SLC16A7: variants seen among roughly 807,000 people sequenced by gnomAD.
SLC16A7 encodes the protein monocarboxylate transporter 2.
Under a neutral mutation model 34.9 loss-of-function variants are expected in SLC16A7, and 33 were observed. That is an observed-to-expected ratio of 0.94 (90% CI 0.72 to 1.26). SLC16A7 has a LOEUF of 1.26. SLC16A7 is among the 50% of genes most tolerant of loss of function. The pLI is 0.00. For synonymous variants in SLC16A7, 201 were observed against 206.6 expected (o/e 0.97, Z 0.23); for missense variants, 573 against 578.1 (o/e 0.99, Z 0.09).
chr12:59,754,787 G>T (rs1234667373), intron 3 of SLC16A7, among the ~76,000 whole-genome samples: 1 of 151,996 alleles, frequency 6.6e-6, no homozygotes, highest in African/African-American at 2.4e-5. Context: ...TACCAAAGCT[G>T]GGCAGAGACA....
At chr12:59,639,642 T>G (rs1193552836) in intron 1 of SLC16A7, among the ~76,000 whole-genome samples, 1 of 152,112 alleles carries the variant, frequency 6.6e-6, no homozygotes, top group Non-Finnish European at 1.5e-5. Context: ...CATCTTGGCC[T>G]CCCAAAGTGC....
In SLC16A7 at chr12:59,705,037, A is replaced by T; in HGVS notation, c.217+19A>T. The T allele has an allele frequency of 6.0e-6, 9 of 1,511,412 alleles. No homozygotes were observed. The highest frequency in any genetic ancestry group is 8.3e-6 in the Non-Finnish European group (9 of 1,087,440). 93.6% of individuals were successfully genotyped at this position (1,511,412 alleles called of 1,614,324 possible). On this transcript the variant is annotated intron_variant, in intron 3 of 5. Coordinates refer to ENST00000547379, the MANE Select transcript of SLC16A7 (RefSeq NM_001270623.2). ...GCAGGAGGTAAGCTTCTTGCAATAA[A>T]TAGAATCCTGAATTAAGAAAATAAT...
At chr12:59,753,871 G>C (rs1879923496) in intron 3 of SLC16A7, among the ~76,000 whole-genome samples, 1 of 152,084 alleles carries the variant, frequency 6.6e-6, no homozygotes, top group Non-Finnish European at 1.5e-5. Context: ...GCTCTCCTCA[G>C]CAAATGTAAA....
chr12:59,657,357 GACTTT>G (rs1462035564), intron 2 of SLC16A7, among the ~76,000 whole-genome samples: 2 of 151,748 alleles, frequency 1.3e-5, no homozygotes, highest in East Asian at 1.9e-4. Context: ...TCATTTCATT[GACTTT>G]ACTTATTGTT....
rs915498472 is a variant in SLC16A7, at chr12:59,596,749, C to A, written c.-130+513C>A. Among the ~76,000 whole-genome samples the A allele has an allele frequency of 6.6e-6, 1 of 152,112 alleles. No individual in the cohort carries two copies. Among genetic ancestry groups the A allele is most frequent in the Non-Finnish European group, 1.5e-5 (1 of 68,020 alleles). On this transcript the variant is annotated intron_variant, in intron 1 of 5. Transcript: ENST00000547379. This position sits in a 1 kb window ranked among gnomAD's most constrained non-coding sequence, Gnocchi z 5.0. Reference sequence around the variant, plus strand: ...GCGGGGGTGGAGTGTGTGGAGAGAACGTCTTCTCTTTGAGCAGATGATCAG... The same window carrying A: ...GCGGGGGTGGAGTGTGTGGAGAGAAAGTCTTCTCTTTGAGCAGATGATCAG...
intron 3 of SLC16A7, among the ~76,000 whole-genome samples, chr12:59,765,088 A>G (rs553028276): frequency 3.7e-4 from 57 of 152,250 alleles, no homozygotes; most frequent in African/African-American, 1.1e-3. Context: ...GCCAGTGATG[A>G]AGAGCATTTT....
At chr12:59,753,200 A>T (rs965877864) in intron 3 of SLC16A7, among the ~76,000 whole-genome samples, 25 of 152,320 alleles carry the variant, frequency 1.6e-4, no homozygotes, top group Middle Eastern at 3.4e-3. Flanking sequence ...GCATCAACTA[A>T]CGAGCAAAAT....
chr12:59,624,134 C>A (rs571662254), intron 1 of SLC16A7, among the ~76,000 whole-genome samples: 1 of 151,516 alleles, frequency 6.6e-6, no homozygotes, highest in South Asian at 2.1e-4. Flanking sequence ...TAGTGAAAAT[C>A]ATTGAACCTA....
At chr12:59,681,446 G>A (rs1400325444) in intron 2 of SLC16A7, among the ~76,000 whole-genome samples, 1 of 150,206 alleles carries the variant, frequency 6.7e-6, no homozygotes, top group Non-Finnish European at 1.5e-5. Context: ...ACCTGTGCCA[G>A]CAATTTTTTT....
intron 2 of SLC16A7, among the ~76,000 whole-genome samples, chr12:59,669,664 A>ACG (rs998370484): frequency 1.1e-4 from 17 of 151,642 alleles, no homozygotes; most frequent in African/African-American, 4.1e-4. Context: ...ACACACACAC[A>ACG]CACACACACA....
At chr12:59,690,945 G>A (rs1871578103) in intron 2 of SLC16A7, among the ~76,000 whole-genome samples, 2 of 151,608 alleles carry the variant, frequency 1.3e-5, no homozygotes, top group Admixed American at 6.6e-5. Flanking sequence ...AAAAAGATAA[G>A]AAAATTTTAT....
At position 59,788,951 on chromosome 12, in the gene SLC16A7, G is replaced by A. The variant is rs1472584323; in HGVS notation, c.*9272G>A. On this transcript the variant is annotated 3_prime_UTR_variant, in exon 6 of 6. Coordinates refer to ENST00000547379, the MANE Select transcript of SLC16A7 (RefSeq NM_001270623.2). ...GTTCTTGCCTTTCAGGTATACTACA[G>A]CGTTATATGAACATAATGTTTTAAA... 6.6e-6 allele frequency: 1 copy of A among 151,924 alleles called. No individual in the cohort carries two copies. The highest frequency in any genetic ancestry group is 2.1e-4 in the South Asian group (1 of 4,826). The allele number at this position is 151,924 out of a possible 1,614,324, so 9.4% of individuals were successfully genotyped here.
In SLC16A7 at chr12:59,782,240, A is replaced by T. The variant is rs1883302667; in HGVS notation, c.*2561A>T. On this transcript the variant is annotated 3_prime_UTR_variant, in exon 6 of 6. Coordinates refer to ENST00000547379, the MANE Select transcript of SLC16A7 (RefSeq NM_001270623.2). ...AAACCAGAACACAATTGAAACAGTG[A>T]CATAAATACCTACAGGATTCAGAAT... 1 of 152,224 alleles carries T rather than the reference A, an allele frequency of 6.6e-6. No homozygotes were observed. The highest frequency in any genetic ancestry group is 6.5e-5 in the Admixed American group (1 of 15,270). The allele number at this position is 152,224 out of a possible 1,614,324, so 9.4% of individuals were successfully genotyped here. A position where few individuals can be genotyped will look rare whatever the true frequency, so the allele number is the denominator to read the frequency against.
intron 2 of SLC16A7, among the ~76,000 whole-genome samples, chr12:59,665,599 C>A (rs1869128128): frequency 6.6e-6 from 1 of 151,916 alleles, no homozygotes; most frequent in Non-Finnish European, 1.5e-5. Flanking sequence ...AAAGACATTG[C>A]TCACTAAGTT....
intron 2 of SLC16A7, among the ~76,000 whole-genome samples, chr12:59,680,327 A>G (rs1050490161): frequency 6.6e-6 from 1 of 152,192 alleles, no homozygotes; most frequent in Non-Finnish European, 1.5e-5. Context: ...TAGTGTTTTC[A>G]AGATATTATT....
intron 3 of SLC16A7, among the ~76,000 whole-genome samples, chr12:59,713,814 A>G (rs1874542617): frequency 6.6e-6 from 1 of 152,160 alleles, no homozygotes; most frequent in East Asian, 1.9e-4. Context: ...ACTATACATA[A>G]TTTCACTCAT....
chr12:59,722,708 A>G (rs2137209328), intron 3 of SLC16A7, among the ~76,000 whole-genome samples: 1 of 152,066 alleles, frequency 6.6e-6, no homozygotes, highest in East Asian at 1.9e-4. Flanking sequence ...ATCACCTCTC[A>G]TAGAGGTCTT....
chr12:59,656,919 A>G (rs1028103465), intron 2 of SLC16A7, among the ~76,000 whole-genome samples: 2 of 151,966 alleles, frequency 1.3e-5, no homozygotes, highest in African/African-American at 2.4e-5. Flanking sequence ...TTAGGTTCAA[A>G]TGCTGCCTCT....
At chr12:59,701,291 T>C (rs1449324995) in intron 2 of SLC16A7, among the ~76,000 whole-genome samples, 3 of 151,746 alleles carry the variant, frequency 2.0e-5, no homozygotes, top group Non-Finnish European at 4.4e-5. Flanking sequence ...AACCACAGAC[T>C]CAGTTTTATT....
Sources: gnomAD v4.1 joint callset for allele counts (sites outside exome capture counted in the v4.1 genomes callset) on GRCh38, gnomAD v4.1.1 for gene constraint, Gnocchi (gnomAD v3.1) non-coding constraint, MANE v1.5 for transcripts, NCBI Gene and HGNC (gene_info 2026-07-23, HGNC 2026-07-21) for gene names.